The following UBOX5 variants were observed in gnomAD, a reference collection of about 807,000 sequenced individuals.
UBOX5 encodes RING finger protein 37.
Under a neutral mutation model 39.0 loss-of-function variants are expected in UBOX5, and 28 were observed. The observed-to-expected ratio is 0.72, with a 90% CI of 0.53 to 0.98. The LOEUF is 0.98. UBOX5 is among the 50% of genes least tolerant of loss of function. The pLI is 0.00. For missense variants in UBOX5, 585 were observed against 674.4 expected (o/e 0.87, Z 1.47); for synonymous variants, 283 against 275.5 (o/e 1.03, Z -0.27).
At chr20:3,153,465 CA>C (rs2066652307) in intron 1 of UBOX5, among the ~76,000 whole-genome samples, 1 of 152,126 alleles carries the variant, frequency 6.6e-6, no homozygotes, top group Non-Finnish European at 1.5e-5. Context: ...AGAAAGAGAC[CA>C]CAAGATTAAG....
At chr20:3,148,185 G>A in intron 1 of UBOX5, 1 of 1,613,878 alleles carries the variant, frequency 6.2e-7, no homozygotes, top group Non-Finnish European at 8.5e-7. Context: ...ATTAGGTCCT[G>A]GGATACCTGA....
intron 1 of UBOX5, among the ~76,000 whole-genome samples, chr20:3,127,536 T>C (rs2066400173): frequency 6.6e-6 from 1 of 152,224 alleles, no homozygotes. Context: ...TATATTGTTT[T>C]GTTCAGACCT....
chr20:3,121,626 G>C lies in UBOX5; in HGVS notation c.1013C>G (p.Pro338Arg). Residue 338 changes from proline to arginine, a missense_variant, in exon 3 of 5, where the codon CCT (proline) becomes CGT (arginine). Physicochemically the swap from Pro to Arg is moderately radical, Grantham distance 103. Transcript: ENST00000217173. ...TGCTCTCCCAAGCAGGTGGCAGCCAGGGATGGAGTGCTGGAGCAGGAAATG... is the reference window on the plus strand; with the variant it reads ...TGCTCTCCCAAGCAGGTGGCAGCCACGGATGGAGTGCTGGAGCAGGAAATG... ...IDHFLLQHSIPGCHLLGRAQT... is the reference protein window; with the variant it reads ...IDHFLLQHSIRGCHLLGRAQT... 6.2e-7 allele frequency: 1 copy of C among 1,610,714 alleles called. No homozygotes were observed. The highest frequency in any genetic ancestry group is 8.5e-7 in the Non-Finnish European group (1 of 1,178,492).
chr20:3,147,755 G>A, intron 1 of UBOX5: 1 of 1,614,226 alleles, frequency 6.2e-7, no homozygotes. Flanking sequence ...ATAATTCAGA[G>A]TTCCAAATGA....
At chr20:3,142,209 C>G (rs906711071) in intron 1 of UBOX5, among the ~76,000 whole-genome samples, 9 of 151,312 alleles carry the variant, frequency 5.9e-5, no homozygotes, top group African/African-American at 2.2e-4. Flanking sequence ...CACCTATAAT[C>G]CCAGCACTCT....
chr20:3,148,599 G>C, intron 1 of UBOX5: 1 of 1,614,034 alleles, frequency 6.2e-7, no homozygotes, highest in Non-Finnish European at 8.5e-7. Flanking sequence ...TGAGCCTGGA[G>C]ATTATTTTGA....
In UBOX5 at chr20:3,147,518, T is replaced by C. The variant is rs1313015563; in HGVS notation, c.-42+12248A>G. On this transcript the variant is annotated intron_variant, in intron 1 of 4. Coordinates refer to ENST00000217173, the MANE Select transcript of UBOX5 (RefSeq NM_014948.4). ...TGGACACTCAATGCCAACTGTACCA[T>C]CGAGGGTATATAGTTCCTTAAGGAG... is the stretch of plus-strand genomic sequence containing the variant. 2.1e-5 allele frequency: 34 copies of C among 1,614,218 alleles called. No individual in the cohort carries two copies. Among genetic ancestry groups the C allele is most frequent in the Non-Finnish European group, 2.9e-5 (34 of 1,180,048 alleles).
Position 3,110,039 on chromosome 20 carries a change from G to A in UBOX5, c.*67C>T. On this transcript the variant is annotated 3_prime_UTR_variant, in exon 5 of 5. Transcript: ENST00000217173. The stretch of plus-strand genomic sequence containing the variant: ...GGCCTGGCCAGACCTCAGGGGTGCT[G>A]TGGCCCTGCTCCTGTTCCCCCTCAG... 5 of 1,584,252 alleles carry A rather than the reference G, an allele frequency of 3.2e-6. No individual in the cohort carries two copies. Among genetic ancestry groups the A allele is most frequent in the African/African-American group, 1.3e-5 (1 of 74,664 alleles).
intron 3 of UBOX5, among the ~76,000 whole-genome samples, chr20:3,117,393 A>G (rs1333065372): frequency 1.3e-5 from 2 of 152,080 alleles, no homozygotes; most frequent in Non-Finnish European, 2.9e-5. Context: ...ATTAAAATCT[A>G]TTAACAGGGG....
intron 1 of UBOX5, among the ~76,000 whole-genome samples, chr20:3,141,923 G>A (rs577139620): frequency 9.2e-5 from 14 of 151,998 alleles, no homozygotes; most frequent in Admixed American, 2.6e-4. Context: ...TGAGGCAGGA[G>A]GATCACTTGA....
Position 3,123,400 on chromosome 20 carries a change from A to C in UBOX5, c.-35T>G, listed in dbSNP as rs780758884. ...TGAGAGGATATCTTCCAAGCATCAG[A>C]AGCAGCCTTAAATAAGAAATAAAAC... On this transcript the variant is annotated 5_prime_UTR_variant, in exon 2 of 5. Transcript: ENST00000217173. The C allele has an allele frequency of 1.8e-5, 29 of 1,595,702 alleles. No homozygotes were observed. The highest frequency in any genetic ancestry group is 2.3e-5 in the Non-Finnish European group (27 of 1,165,048).
intron 1 of UBOX5, among the ~76,000 whole-genome samples, chr20:3,125,910 C>CTGG (rs1204482423): frequency 6.9e-6 from 1 of 144,722 alleles, no homozygotes; most frequent in African/African-American, 2.6e-5. Flanking sequence ...GCGCCTCTGC[C>CTGG]CAGCCGCCCC....
At chr20:3,148,174 C>T (rs769364933) in intron 1 of UBOX5, 3 of 1,613,830 alleles carry the variant, frequency 1.9e-6, no homozygotes, top group South Asian at 1.1e-5. Context: ...CCAATTTTTG[C>T]ATTAGGTCCT....
chr20:3,117,549 C>A (rs958923546), intron 3 of UBOX5, among the ~76,000 whole-genome samples: 2 of 151,952 alleles, frequency 1.3e-5, no homozygotes, highest in Admixed American at 6.6e-5. Context: ...CCGGGTGTGG[C>A]GGCATGTGCC....
At chr20:3,123,246 G>T in intron 2 of UBOX5, 66 bp downstream of exon 2, 1 of 1,516,810 alleles carries the variant, frequency 6.6e-7, no homozygotes. Flanking sequence ...CACACACAAG[G>T]CAGGAAATGA....
intron 1 of UBOX5, among the ~76,000 whole-genome samples, chr20:3,159,540 C>A (rs1277120628): frequency 6.6e-6 from 1 of 152,226 alleles, no homozygotes; most frequent in Non-Finnish European, 1.5e-5. Context: ...GTCAGATAAG[C>A]CCCCTGCCAA....
chr20:3,121,596 G>C lies in UBOX5; in HGVS notation c.1043C>G (p.Thr348Arg). 1 of 1,605,084 alleles carries C rather than the reference G, an allele frequency of 6.2e-7. No individual in the cohort carries two copies. Among genetic ancestry groups the C allele is most frequent in the Non-Finnish European group, 8.5e-7 (1 of 1,175,692 alleles). Residue 348 changes from threonine (T) to arginine (R), a missense_variant, in exon 3 of 5, where the codon ACG becomes AGG. Physicochemically the swap from Thr to Arg is moderately conservative, Grantham distance 71. Transcript: ENST00000217173. ...GGAAGAAGGGATCACTGCCAATGCC[G>C]TCTGTGCTCTCCCAAGCAGGTGGCA... ...PGCHLLGRAQ[T>R]ALAVIPSSIV...
intron 3 of UBOX5, among the ~76,000 whole-genome samples, chr20:3,117,743 G>A (rs1200205529): frequency 6.6e-6 from 1 of 151,908 alleles, no homozygotes; most frequent in Non-Finnish European, 1.5e-5. Context: ...TGTAATCCCA[G>A]CACTTTGGGA....
chr20:3,159,296 G>A (rs1397844993), intron 1 of UBOX5, among the ~76,000 whole-genome samples: 2 of 152,184 alleles, frequency 1.3e-5, no homozygotes, highest in Non-Finnish European at 2.9e-5. Flanking sequence ...GTAGGGCCTT[G>A]CTACTCAGTG....
Sources: allele counts gnomAD v4.1 joint callset (sites outside exome capture counted in the v4.1 genomes callset), GRCh38; gene constraint gnomAD v4.1.1; transcripts MANE v1.5; gene names NCBI Gene and HGNC (gene_info 2026-07-23, HGNC 2026-07-21).